Variants in LEO1 observed in about 807,000 individuals in gnomAD.
LEO1 encodes RNA polymerase-associated protein LEO1.
A neutral mutation model predicts 80.4 loss-of-function variants in LEO1; 34 were observed. The ratio of observed to expected loss-of-function variants is 0.42; its 90% confidence interval spans 0.32 to 0.56. The LOEUF (loss-of-function observed/expected upper bound fraction) is 0.56, where lower values mean the gene tolerates loss of function less well. LEO1 is among the 20% of genes least tolerant of loss of function. The pLI is 0.10. For missense variants in LEO1, 631 were observed against 814.2 expected, an observed-to-expected ratio of 0.77 and a Z score of 2.74; for synonymous variants, 262 against 274.9, an observed-to-expected ratio of 0.95 and a Z score of 0.46.
Position 51,966,480 on chromosome 15 carries a change from T to C in LEO1, c.83A>G (p.Asp28Gly), listed in dbSNP as rs762380235. 2.2e-5 allele frequency: 36 copies of C among 1,606,276 alleles called. No homozygotes were observed. Among genetic ancestry groups the C allele is most frequent in the Non-Finnish European group, 1.7e-5 (20 of 1,174,644 alleles). Residue 28 changes from aspartate to glycine, a missense_variant, in exon 2 of 12, where the codon GAT (aspartate) becomes GGT (glycine). This residue lies in a region of LEO1 where 394 missense variants were observed against 395.6 expected (regional missense o/e 1.00). Coordinates refer to ENST00000299601, the MANE Select transcript of LEO1 (RefSeq NM_138792.4). ...RKDSDSGSDS[D>G]SDQENAASGS... is the part of the protein sequence containing the mutation. ...AGAGGCAGCATTCTCTTGATCAGAA[T>C]CTGAGTCAGATCCAGAATCAGAATC...
At chr15:51,938,436 C>T (rs17649692) in intron 11 of LEO1, among the ~76,000 whole-genome samples, 176 bp from the exon 12 acceptor site, 2,308 of 152,294 alleles carry the variant, frequency 0.015, 86 homozygotes, top group Admixed American at 0.075. Flanking sequence ...CACAGGGAAA[C>T]CTTTGAACAC....
At chr15:51,944,753 AC>A (rs1299010456) in intron 11 of LEO1, among the ~76,000 whole-genome samples, 1 of 145,484 alleles carries the variant, frequency 6.9e-6, no homozygotes, top group African/African-American at 2.6e-5. Flanking sequence ...ATAAATATAT[AC>A]TTTTCATATA....
intron 3 of LEO1, 129 bp from the exon 4 acceptor site, chr15:51,960,862 G>T: frequency 1.6e-6 from 1 of 617,214 alleles, no homozygotes; most frequent in Non-Finnish European, 2.9e-6. Context: ...ATAATGCTGA[G>T]CCTGGCTCTC....
intron 9 of LEO1, 49 bp downstream of exon 9, chr15:51,951,795 C>T (rs1446053181): frequency 5.8e-6 from 9 of 1,555,670 alleles, no homozygotes; most frequent in Non-Finnish European, 7.9e-6. Flanking sequence ...AAATACTTGC[C>T]TAATATACCA....
At chr15:51,950,704 T>A (rs2056942609) in intron 9 of LEO1, among the ~76,000 whole-genome samples, 2 of 152,212 alleles carry the variant, frequency 1.3e-5, no homozygotes, top group Admixed American at 1.3e-4. Context: ...AGAAATTCTA[T>A]GGAACAGATT....
intron 6 of LEO1, among the ~76,000 whole-genome samples, chr15:51,956,074 A>G (rs1219925601): frequency 6.6e-6 from 1 of 152,172 alleles, no homozygotes; most frequent in Non-Finnish European, 1.5e-5. Context: ...AAACAAAACA[A>G]TCTGTCACTA....
chr15:51,954,374 C>G, intron 7 of LEO1, 107 bp downstream of exon 7: 2 of 701,046 alleles, frequency 2.9e-6, no homozygotes, highest in Non-Finnish European at 5.0e-6. Flanking sequence ...AGAGTGAGAC[C>G]CCATTTCTAA....
chr15:51,960,003 T>C lies in LEO1; in HGVS notation c.1056A>G (p.Pro352=), dbSNP rs140312639. The change falls in exon 5 of 12, where the codon CCA becomes CCG. Residue 352 remains proline, a synonymous_variant. Transcript: ENST00000299601. ...GLPQDQQEEE[P]IPETRIEVEI... The stretch of plus-strand genomic sequence containing the variant: ...CTACTTCTATTCTGGTCTCAGGAAT[T>C]GGCTCCTCTTCCTGTTGATCCTGAG... The C allele has an allele frequency of 5.6e-6, 9 of 1,613,638 alleles. No individual in the cohort carries two copies. The highest frequency in any genetic ancestry group is 7.6e-6 in the Non-Finnish European group (9 of 1,179,816).
At chr15:51,967,397 C>T (rs1338195935) in intron 1 of LEO1, among the ~76,000 whole-genome samples, 1 of 152,084 alleles carries the variant, frequency 6.6e-6, no homozygotes, top group East Asian at 1.9e-4. Flanking sequence ...CGCTTGGATC[C>T]AGGAGGTGGA....
intron 11 of LEO1, among the ~76,000 whole-genome samples, chr15:51,945,484 G>A (rs1325801825): frequency 6.6e-6 from 1 of 151,920 alleles, no homozygotes; most frequent in Non-Finnish European, 1.5e-5. Context: ...ACCTTCAGAC[G>A]TTTACTCAAA....
At chr15:51,943,778 TA>T (rs36007111) in intron 11 of LEO1, among the ~76,000 whole-genome samples, 52,057 of 126,942 alleles carry the variant, frequency 0.41, 10,349 homozygotes, top group Admixed American at 0.5. Flanking sequence ...GAGAAGTGAT[TA>T]AAAAAAAAAA....
chr15:51,961,021 A>T (rs534811298), intron 3 of LEO1, among the ~76,000 whole-genome samples: 3 of 152,304 alleles, frequency 2.0e-5, no homozygotes, highest in African/African-American at 7.2e-5. Context: ...TGTTTCCTAC[A>T]GTCTAGATGC....
chr15:51,942,335 G>A (rs2554321), intron 11 of LEO1, among the ~76,000 whole-genome samples: 8,522 of 152,002 alleles, frequency 0.056, 579 homozygotes, highest in African/African-American at 0.14. Flanking sequence ...CAGCTAGGTG[G>A]CCATTCCCAA....
intron 1 of LEO1, among the ~76,000 whole-genome samples, chr15:51,971,128 T>C (rs1234386212): frequency 6.6e-6 from 1 of 152,178 alleles, no homozygotes; most frequent in Non-Finnish European, 1.5e-5. Flanking sequence ...CTGGAGTTTC[T>C]GCACAAGCTC....
At chr15:51,941,071 TCAAACAAA>T (rs1197366480) in intron 11 of LEO1, among the ~76,000 whole-genome samples, 2 of 139,298 alleles carry the variant, frequency 1.4e-5, no homozygotes, top group Non-Finnish European at 3.2e-5. Context: ...AGACTCCATC[TCAAACAAA>T]CAAACAAACA....
intron 11 of LEO1, 73 bp from the exon 12 acceptor site, chr15:51,938,333 T>C (rs2056818848): frequency 1.1e-6 from 1 of 872,960 alleles, no homozygotes; most frequent in East Asian, 2.6e-5. Flanking sequence ...GAAAAGTAGC[T>C]ATGAGCTGAA....
At chr15:51,954,692 G>A (rs910357582) in intron 6 of LEO1, 117 bp from the exon 7 acceptor site, 1 of 691,512 alleles carries the variant, frequency 1.4e-6, no homozygotes, top group African/African-American at 1.8e-5. Context: ...AGATGTATGT[G>A]TGGCAGGAGA....
intron 9 of LEO1, among the ~76,000 whole-genome samples, chr15:51,950,974 G>A (rs868230958): frequency 2.0e-5 from 3 of 152,234 alleles, no homozygotes; most frequent in Non-Finnish European, 2.9e-5. Flanking sequence ...AGCAAATGCC[G>A]CTATATACCA....
intron 6 of LEO1, among the ~76,000 whole-genome samples, chr15:51,955,230 G>A (rs796209738): frequency 5.3e-5 from 8 of 152,206 alleles, no homozygotes; most frequent in African/African-American, 1.2e-4. Context: ...GAGCCACCAC[G>A]CCCGGCCGAG....
Sources: allele counts gnomAD v4.1 joint callset (sites outside exome capture counted in the v4.1 genomes callset), GRCh38; gene constraint gnomAD v4.1.1; regional missense constraint gnomAD v4.1.1; transcripts MANE v1.5; gene names NCBI Gene and HGNC (gene_info 2026-07-23, HGNC 2026-07-21).